CAMK2A: variants seen among roughly 807,000 people sequenced by gnomAD.
CAMK2A encodes the protein calcium/calmodulin-dependent protein kinase type II subunit alpha.
CAMK2A carries 7 observed loss-of-function variants against 79.2 expected under a neutral mutation model. That is an observed-to-expected ratio of 0.09 (90% confidence interval 0.05 to 0.17). The LOEUF (loss-of-function observed/expected upper bound fraction) is 0.17, where lower values mean the gene tolerates loss of function less well. Among genes scored for constraint, CAMK2A ranks in the 10% least tolerant of loss-of-function variants. CAMK2A has a pLI of 1.00. For synonymous variants in CAMK2A, 242 were observed against 251.7 expected (o/e 0.96, Z 0.36); for missense variants, 214 against 646.4 (o/e 0.33, Z 7.25).
chr5:150,264,106 G>A (rs528579901), intron 3 of CAMK2A, among the ~76,000 whole-genome samples: 1 of 152,164 alleles, frequency 6.6e-6, no homozygotes, highest in South Asian at 2.1e-4. Flanking sequence ...TCCTCAGTGC[G>A]GTCTATGAGT....
At chr5:150,250,639 A>G (rs1480024616) in intron 10 of CAMK2A, 49 bp downstream of exon 10, 1 of 1,608,436 alleles carries the variant, frequency 6.2e-7, no homozygotes, top group Non-Finnish European at 8.5e-7. Flanking sequence ...GGCCTGGATC[A>G]TGAGGTCTGG....
Position 150,252,025 on chromosome 5 carries a change from C to T in CAMK2A, c.555G>A (p.Leu185=). 6.2e-7 allele frequency: 1 copy of T among 1,614,028 alleles called. No homozygotes were observed. Among genetic ancestry groups the T allele is most frequent in the Non-Finnish European group, 8.5e-7 (1 of 1,179,924 alleles). Residue 185 remains leucine (L), a synonymous_variant, in exon 8 of 19, where the codon CTG becomes CTA. Coordinates refer to ENST00000671881, the MANE Select transcript of CAMK2A (RefSeq NM_015981.4). ...GTPGYLSPEV[L]RKDPYGKPVD... ...CAGGCTTCCCGTACGGGTCCTTCCGCAGCACTTCTGGGGAGAGATATCCAG... is the reference window on the plus strand; with the variant it reads ...CAGGCTTCCCGTACGGGTCCTTCCGTAGCACTTCTGGGGAGAGATATCCAG...
At chr5:150,266,273 G>A (rs1031995181) in intron 2 of CAMK2A, among the ~76,000 whole-genome samples, 7 of 152,110 alleles carry the variant, frequency 4.6e-5, no homozygotes, top group African/African-American at 7.2e-5. Context: ...ATCCTACTCC[G>A]TGCCCCCAAG....
chr5:150,264,288 A>G (rs567490782), intron 3 of CAMK2A, among the ~76,000 whole-genome samples: 10 of 152,332 alleles, frequency 6.6e-5, no homozygotes, highest in African/African-American at 2.2e-4. Context: ...GCTCCTGCCC[A>G]AGGTCCCACA....
At position 150,251,864 on chromosome 5, in the gene CAMK2A, A is replaced by G. The variant is rs752995590; in HGVS notation, c.599-20T>C. On this transcript the variant is annotated intron_variant, in intron 8 of 18. Coordinates refer to ENST00000671881, the MANE Select transcript of CAMK2A (RefSeq NM_015981.4). The stretch of plus-strand genomic sequence containing the variant: ...TGACCCCTGGAAAGAGGACCAGAGA[A>G]CCTTCAACCCCCTGTGGGGAGGAGA... 1 of 1,582,644 alleles carries G rather than the reference A, an allele frequency of 6.3e-7. No homozygotes were observed. Among genetic ancestry groups the G allele is most frequent in the Non-Finnish European group, 8.6e-7 (1 of 1,159,412 alleles).
At chr5:150,235,654 G>A (rs889877168) in intron 15 of CAMK2A, among the ~76,000 whole-genome samples, 4 of 152,192 alleles carry the variant, frequency 2.6e-5, no homozygotes, top group African/African-American at 9.6e-5. Flanking sequence ...CAGGCAGCTC[G>A]GAGGGCAAGA....
intron 16 of CAMK2A, among the ~76,000 whole-genome samples, chr5:150,228,764 G>T (rs1302517096): frequency 1.3e-5 from 2 of 152,160 alleles, no homozygotes; most frequent in Non-Finnish European, 1.5e-5. Context: ...ATCAAGCCAG[G>T]TATATACCTG....
chr5:150,245,457 G>T, intron 12 of CAMK2A: 1 of 529,984 alleles, frequency 1.9e-6, no homozygotes, highest in Non-Finnish European at 3.4e-6. Flanking sequence ...CATGGGTTGA[G>T]GGAGGTGTCC....
At chr5:150,234,133 C>T (rs1273838070) in intron 15 of CAMK2A, among the ~76,000 whole-genome samples, 1 of 152,170 alleles carries the variant, frequency 6.6e-6, no homozygotes, top group African/African-American at 2.4e-5. Context: ...TTTCTTGCCA[C>T]TCCCACATGG....
chr5:150,280,819 C>T (rs992061616), intron 1 of CAMK2A, among the ~76,000 whole-genome samples: 1 of 152,204 alleles, frequency 6.6e-6, no homozygotes, highest in African/African-American at 2.4e-5. Flanking sequence ...CCCCACCTTC[C>T]CTCAGTATTG....
chr5:150,272,765 A>G (rs993042713), intron 2 of CAMK2A, among the ~76,000 whole-genome samples: 1 of 151,728 alleles, frequency 6.6e-6, no homozygotes, highest in Non-Finnish European at 1.5e-5. Context: ...TGGAGGGGAG[A>G]AGTGATGGCA....
At chr5:150,285,748 C>T (rs1263239546) in intron 1 of CAMK2A, among the ~76,000 whole-genome samples, 1 of 152,122 alleles carries the variant, frequency 6.6e-6, no homozygotes, top group Non-Finnish European at 1.5e-5. Context: ...GGGCTGAGCT[C>T]TCTCTCTAGT....
At position 150,221,541 on chromosome 5, in the gene CAMK2A, G is replaced by C. The variant is rs970309304; in HGVS notation, c.*1169C>G. 2.5e-6 allele frequency: 1 copy of C among 398,682 alleles called. No individual in the cohort carries two copies. Among genetic ancestry groups the C allele is most frequent in the East Asian group, 3.5e-5 (1 of 28,210 alleles). 24.7% of individuals were successfully genotyped at this position (398,682 alleles called of 1,614,324 possible). A position where few individuals can be genotyped will look rare whatever the true frequency, so the allele number is the denominator to read the frequency against. On this transcript the variant is annotated 3_prime_UTR_variant, in exon 19 of 19. Coordinates refer to ENST00000671881, the MANE Select transcript of CAMK2A (RefSeq NM_015981.4). ...GCGAGGGAAGCAAAGAAAAGTCCAG[G>C]TATTTCCATCCTGACAGCCTCCCTC...
Position 150,228,181 on chromosome 5 carries a change from G to A in CAMK2A, c.1237+11C>T. 1 of 1,605,262 alleles carries A rather than the reference G, an allele frequency of 6.2e-7. No homozygotes were observed. The highest frequency in any genetic ancestry group is 8.5e-7 in the Non-Finnish European group (1 of 1,172,608). On this transcript the variant is annotated intron_variant, in intron 17 of 18. Coordinates refer to ENST00000671881, the MANE Select transcript of CAMK2A (RefSeq NM_015981.4). ...AGACAACAGGCACCACAGAGAGAAG[G>A]AATTGCTCACGGTTTTCAAAATAGA...
At chr5:150,266,275 GC>G (rs1562184742) in intron 2 of CAMK2A, among the ~76,000 whole-genome samples, 1 of 152,146 alleles carries the variant, frequency 6.6e-6, no homozygotes, top group African/African-American at 2.4e-5. Flanking sequence ...CCTACTCCGT[GC>G]CCCCAAGCAA....
rs549329413 is a variant in CAMK2A at position 150,260,197 on chromosome 5, CTG to C, written c.218-2582_218-2581del. 3.6e-3 allele frequency among the ~76,000 whole-genome samples: 543 copies of C among 152,196 alleles called. 2 individuals carry two copies. Among genetic ancestry groups the C allele is most frequent in the African/African-American group, 0.012 (516 of 41,510 alleles). ...ATTGGCCGGGCACAGTGGCTCACGACTGTAATCCCAGCACTTTGGGAGGCTGA... is the reference window on the plus strand; with the variant it reads ...ATTGGCCGGGCACAGTGGCTCACGACTAATCCCAGCACTTTGGGAGGCTGA... On this transcript the variant is annotated intron_variant, in intron 3 of 18. Transcript: ENST00000671881.
At chr5:150,250,178 G>A (rs1755770747) in intron 11 of CAMK2A, 48 bp downstream of exon 11, 1 of 1,409,410 alleles carries the variant, frequency 7.1e-7, no homozygotes, top group African/African-American at 1.4e-5. Flanking sequence ...GGAGACCCAG[G>A]CAGAGCTAGT....
intron 1 of CAMK2A, among the ~76,000 whole-genome samples, chr5:150,275,252 C>T (rs1383686085): frequency 1.3e-5 from 2 of 152,204 alleles, no homozygotes; most frequent in African/African-American, 4.8e-5. Flanking sequence ...AGCAGCAAGA[C>T]CCCAGTCCCC....
At chr5:150,236,795 G>C (rs1306386262) in intron 15 of CAMK2A, among the ~76,000 whole-genome samples, 1 of 152,222 alleles carries the variant, frequency 6.6e-6, no homozygotes, top group Non-Finnish European at 1.5e-5. Context: ...AATGTGGTTA[G>C]AACACTGGAC....
Sources: gnomAD v4.1 joint callset for allele counts (sites outside exome capture counted in the v4.1 genomes callset) on GRCh38, gnomAD v4.1.1 for gene constraint, MANE v1.5 for transcripts, NCBI Gene and HGNC (gene_info 2026-07-23, HGNC 2026-07-21) for gene names.